The following MGAT4C variants were observed in gnomAD, a reference collection of about 807,000 sequenced individuals.
MGAT4C encodes the protein MGAT4 family member C.
Under a neutral mutation model 40.1 loss-of-function variants are expected in MGAT4C, and 19 were observed. The ratio of observed to expected loss-of-function variants is 0.47; its 90% CI spans 0.33 to 0.70. The LOEUF (loss-of-function observed/expected upper bound fraction) is 0.70. MGAT4C is among the 30% of genes least tolerant of loss of function. The pLI is 0.02. For missense variants in MGAT4C, 491 were observed against 563.2 expected, an observed-to-expected ratio of 0.87 and a Z score of 1.30; for synonymous variants, 181 against 187.1, an observed-to-expected ratio of 0.97 and a Z score of 0.27.
At chr12:86,617,732 T>G (rs1452551951) in intron 2 of MGAT4C, among the ~76,000 whole-genome samples, 1 of 150,854 alleles carries the variant, frequency 6.6e-6, no homozygotes, top group African/African-American at 2.4e-5. Flanking sequence ...CAATAAAATA[T>G]TAGAAGAAGA....
intron 3 of MGAT4C, among the ~76,000 whole-genome samples, chr12:86,357,881 T>A (rs975835808): frequency 6.6e-6 from 1 of 152,086 alleles, no homozygotes; most frequent in Admixed American, 6.6e-5. Flanking sequence ...ATGGGGAGAA[T>A]GGAACCAAGT....
intron 1 of MGAT4C, among the ~76,000 whole-genome samples, chr12:86,836,194 A>G (rs1419290400): frequency 6.6e-6 from 1 of 152,042 alleles, no homozygotes; most frequent in Non-Finnish European, 1.5e-5. Context: ...TGTGAAATAT[A>G]GTTAAAGGAG....
At chr12:86,813,470 T>C (rs1952516281) in intron 1 of MGAT4C, among the ~76,000 whole-genome samples, 1 of 143,784 alleles carries the variant, frequency 7.0e-6, no homozygotes. Flanking sequence ...CCTGGTACCA[T>C]ATAACATATG....
intron 1 of MGAT4C, among the ~76,000 whole-genome samples, chr12:86,106,270 T>C (rs185350363): frequency 2.0e-5 from 3 of 151,912 alleles, no homozygotes; most frequent in Admixed American, 1.3e-4. Flanking sequence ...GCAGCACTCG[T>C]TTAGTTTAGT....
At chr12:86,565,536 T>G (rs1592992082) in intron 2 of MGAT4C, among the ~76,000 whole-genome samples, 1 of 152,312 alleles carries the variant, frequency 6.6e-6, no homozygotes. Flanking sequence ...GTGCACCTGG[T>G]TGTGCACTTT....
chr12:86,171,135 G>C (rs896992604), intron 1 of MGAT4C, among the ~76,000 whole-genome samples: 1 of 133,498 alleles, frequency 7.5e-6, no homozygotes, highest in Non-Finnish European at 1.7e-5. Flanking sequence ...ACTTTGGGAG[G>C]CCGAAGTGGG....
intron 2 of MGAT4C, among the ~76,000 whole-genome samples, chr12:86,543,438 CTTAGA>C (rs1565838250): frequency 6.6e-6 from 1 of 151,520 alleles, no homozygotes; most frequent in African/African-American, 2.4e-5. Context: ...TAAAAAATTC[CTTAGA>C]TTATTCTGTT....
chr12:86,549,550 GA>G (rs1428565949), intron 2 of MGAT4C, among the ~76,000 whole-genome samples: 1 of 152,090 alleles, frequency 6.6e-6, no homozygotes, highest in Non-Finnish European at 1.5e-5. Flanking sequence ...TTTCCTATTG[GA>G]AAGACTGTTT....
At chr12:86,700,178 C>CAGACAGACAGATAGATAGATAGAT (rs1386887962) in intron 2 of MGAT4C, among the ~76,000 whole-genome samples, 1 of 140,668 alleles carries the variant, frequency 7.1e-6, no homozygotes, top group Non-Finnish European at 1.5e-5. Flanking sequence ...GACAGACAGA[C>CAGACAGACAGATAGATAGATAGAT]AGATAGATAG....
intron 2 of MGAT4C, among the ~76,000 whole-genome samples, chr12:86,457,299 T>C (rs1289011679): frequency 2.6e-5 from 4 of 152,124 alleles, no homozygotes; most frequent in Non-Finnish European, 5.9e-5. Context: ...ATTACTTGCT[T>C]TTCCAAAGCA....
intron 2 of MGAT4C, among the ~76,000 whole-genome samples, chr12:86,614,463 G>T (rs1279086916): frequency 6.6e-6 from 1 of 151,962 alleles, no homozygotes; most frequent in Non-Finnish European, 1.5e-5. Context: ...CTCTGCAAAT[G>T]ATAATATTTA....
chr12:86,291,173 G>A (rs1027314153), intron 4 of MGAT4C, among the ~76,000 whole-genome samples: 1 of 152,310 alleles, frequency 6.6e-6, no homozygotes, highest in East Asian at 1.9e-4. Context: ...AATAATGTCT[G>A]GTGGTTTGAG....
At chr12:86,752,897 T>C (rs1338567874) in intron 1 of MGAT4C, among the ~76,000 whole-genome samples, 2 of 152,068 alleles carry the variant, frequency 1.3e-5, no homozygotes, top group East Asian at 3.9e-4. Context: ...TACACAAAAA[T>C]TTATTTCAAA....
intron 3 of MGAT4C, among the ~76,000 whole-genome samples, chr12:86,350,058 T>C (rs1955126062): frequency 6.6e-6 from 1 of 152,104 alleles, no homozygotes; most frequent in Non-Finnish European, 1.5e-5. Flanking sequence ...CTTGACCTCC[T>C]GTGCTATGTA....
At chr12:86,718,836 C>T (rs958421939) in intron 2 of MGAT4C, among the ~76,000 whole-genome samples, 8 of 152,114 alleles carry the variant, frequency 5.3e-5, no homozygotes, top group African/African-American at 1.9e-4. Flanking sequence ...GGGTCAGTTT[C>T]ATCCCCAAAC....
intron 2 of MGAT4C, among the ~76,000 whole-genome samples, chr12:86,507,986 A>G (rs1363923530): frequency 6.6e-6 from 1 of 152,052 alleles, no homozygotes; most frequent in Non-Finnish European, 1.5e-5. Context: ...GGATTTGTAG[A>G]CTGTTTTTGT....
chr12:86,304,268 CA>C (rs1953881897), intron 4 of MGAT4C, among the ~76,000 whole-genome samples: 1 of 150,450 alleles, frequency 6.6e-6, no homozygotes, highest in Non-Finnish European at 1.5e-5. Flanking sequence ...TGTGTAAGTT[CA>C]CTCTTTGAGC....
intron 2 of MGAT4C, among the ~76,000 whole-genome samples, chr12:86,713,805 G>A (rs1950599174): frequency 1.3e-5 from 2 of 151,980 alleles, no homozygotes; most frequent in Admixed American, 1.3e-4. Context: ...TAGCTTGAAA[G>A]TGAAGGAGAA....
At chr12:86,633,019 T>C (rs1291386243) in intron 2 of MGAT4C, among the ~76,000 whole-genome samples, 2 of 152,056 alleles carry the variant, frequency 1.3e-5, no homozygotes, top group African/African-American at 4.8e-5. Flanking sequence ...AGCATAAGTG[T>C]GTTTTCTTAT....
Sources: allele counts gnomAD v4.1 joint callset (sites outside exome capture counted in the v4.1 genomes callset), GRCh38; gene constraint gnomAD v4.1.1; transcripts MANE v1.5; gene names NCBI Gene and HGNC (gene_info 2026-07-23, HGNC 2026-07-21).